RAB2A: variants seen among roughly 807,000 people sequenced by gnomAD.
RAB2A encodes ras-related protein Rab-2A.
Under a neutral mutation model 32.5 loss-of-function variants are expected in RAB2A, and 7 were observed. That is an observed-to-expected ratio of 0.22 (90% CI 0.12 to 0.40). The LOEUF is 0.40. RAB2A is among the 10% of genes least tolerant of loss of function. The pLI, the probability that RAB2A is intolerant of heterozygous loss-of-function variation, is 1.00. For synonymous variants in RAB2A, 79 were observed against 85.2 expected (o/e 0.93, Z 0.40); for missense variants, 108 against 260.7 (o/e 0.41, Z 4.03).
At chr8:60,568,969 A>G (rs1406825254) in intron 2 of RAB2A, among the ~76,000 whole-genome samples, 1 of 152,250 alleles carries the variant, frequency 6.6e-6, no homozygotes, top group Non-Finnish European at 1.5e-5. Context: ...AATATTCCAG[A>G]GAAGAAATCA....
In RAB2A at chr8:60,565,676, ATTTTTTTTTTTTTTTTTTTTTTTT is replaced by A. The variant is rs71252885; in HGVS notation, c.119-6341_119-6318del. 2.8e-3 allele frequency among the ~76,000 whole-genome samples: 271 copies of A among 97,622 alleles called. 16 individuals are homozygous for A. The highest frequency in any genetic ancestry group is 9.6e-3 in the African/African-American group (248 of 25,934). The allele number at this position is 97,622 out of a possible 152,430, so 64.0% of individuals were successfully genotyped here. A position where few individuals can be genotyped will look rare whatever the true frequency, so the allele number is the denominator to read the frequency against. ...AGCTCTGAAAAAGTCTCTGTAGCTG[ATTTTTTTTTTTTTTTTTTTTTTTT>A]TTTTTTTTTTTTTTTTTTTTTTTTT... On this transcript the variant is annotated intron_variant, in intron 2 of 7. Transcript: ENST00000262646.
intron 2 of RAB2A, among the ~76,000 whole-genome samples, chr8:60,561,115 G>A (rs867406664): frequency 2.6e-5 from 4 of 152,158 alleles, no homozygotes; most frequent in African/African-American, 7.2e-5. Flanking sequence ...ATCTTTTTCC[G>A]TGTCATCTTT....
intron 1 of RAB2A, among the ~76,000 whole-genome samples, chr8:60,524,696 A>G (rs1360559385): frequency 6.6e-6 from 1 of 152,180 alleles, no homozygotes; most frequent in Non-Finnish European, 1.5e-5. Context: ...CATCCATGGA[A>G]ATGCTGTTTT....
At chr8:60,582,392 G>A (rs1210102124) in intron 3 of RAB2A, among the ~76,000 whole-genome samples, 1 of 152,180 alleles carries the variant, frequency 6.6e-6, no homozygotes, top group Non-Finnish European at 1.5e-5. Flanking sequence ...CCACATAGGA[G>A]AAGTTATTTT....
At chr8:60,546,520 A>G (rs561014232) in intron 1 of RAB2A, among the ~76,000 whole-genome samples, 13 of 152,316 alleles carry the variant, frequency 8.5e-5, no homozygotes, top group Non-Finnish European at 1.8e-4. Context: ...GTACTTCTCT[A>G]GCATTAAAGA....
intron 2 of RAB2A, among the ~76,000 whole-genome samples, chr8:60,567,917 ATAT>A (rs1173109473): frequency 6.6e-6 from 1 of 152,156 alleles, no homozygotes; most frequent in African/African-American, 2.4e-5. Context: ...CAAATTGAAA[ATAT>A]TATAATATTT....
chr8:60,594,990 A>C (rs11783153), intron 6 of RAB2A, among the ~76,000 whole-genome samples: 29 of 152,370 alleles, frequency 1.9e-4, no homozygotes, highest in Non-Finnish European at 3.4e-4. Context: ...CTATCAGCCC[A>C]GAATTCTTTA....
intron 3 of RAB2A, among the ~76,000 whole-genome samples, chr8:60,573,075 A>G (rs1238855027): frequency 7.8e-5 from 8 of 102,022 alleles, no homozygotes; most frequent in Non-Finnish European, 1.0e-4. Context: ...ATCCAGCCTC[A>G]CACAAATAGT....
Position 60,517,235 on chromosome 8 carries a change from A to C in RAB2A, c.28A>C (p.Ile10Leu). 1 of 1,489,264 alleles carries C rather than the reference A, an allele frequency of 6.7e-7. No homozygotes were observed. Among genetic ancestry groups the C allele is most frequent in the Non-Finnish European group, 8.9e-7 (1 of 1,118,392 alleles). The allele number at this position is 1,489,264 out of a possible 1,614,324, so 92.3% of individuals were successfully genotyped here. A position where few individuals can be genotyped will look rare whatever the true frequency, so the allele number is the denominator to read the frequency against. The change falls in exon 1 of 8, where the codon ATC (isoleucine) becomes CTC (leucine). Residue 10 changes from isoleucine (I) to leucine (L), a missense_variant. By Grantham distance (5) the Ile-to-Leu change is conservative. This residue lies in a region of RAB2A where 5 missense variants were observed against 16.3 expected (regional missense o/e 0.31). Transcript: ENST00000262646. ...GGCGTACGCCTATCTCTTCAAGTAC[A>C]TCATAATCGGCGACACAGGTGAGGG... MAYAYLFKY[I>L]IIGDTGVGKS...
intron 2 of RAB2A, 152 bp from the exon 3 acceptor site, chr8:60,571,894 G>A (rs2130840190): frequency 2.2e-6 from 1 of 451,778 alleles, no homozygotes; most frequent in Non-Finnish European, 4.0e-6. Context: ...CTTAGCTTAT[G>A]TATTTTCTAA....
intron 6 of RAB2A, among the ~76,000 whole-genome samples, chr8:60,610,915 C>T (rs543001087): frequency 3.3e-5 from 5 of 152,308 alleles, no homozygotes; most frequent in African/African-American, 1.2e-4. Context: ...TATTAGAATT[C>T]CACGTGTCTA....
At chr8:60,528,473 T>G (rs945387107) in intron 1 of RAB2A, among the ~76,000 whole-genome samples, 3 of 152,198 alleles carry the variant, frequency 2.0e-5, no homozygotes, top group Non-Finnish European at 2.9e-5. Flanking sequence ...CATAATTTTT[T>G]TTGCCCTCTG....
chr8:60,601,016 A>G (rs1804125863), intron 6 of RAB2A, among the ~76,000 whole-genome samples: 1 of 152,166 alleles, frequency 6.6e-6, no homozygotes, highest in Admixed American at 6.5e-5. Flanking sequence ...AGTTTAATCA[A>G]AAAATAACTG....
At chr8:60,562,966 C>T (rs1022186892) in intron 2 of RAB2A, among the ~76,000 whole-genome samples, 1 of 151,868 alleles carries the variant, frequency 6.6e-6, no homozygotes, top group Admixed American at 6.6e-5. Flanking sequence ...TGGCCCAAGG[C>T]CTACTTAACA....
chr8:60,572,129 G>A lies in RAB2A; in HGVS notation c.186+16G>A. The A allele has an allele frequency of 5.8e-6, 9 of 1,562,624 alleles. No individual in the cohort carries two copies. The highest frequency in any genetic ancestry group is 7.9e-6 in the Non-Finnish European group (9 of 1,135,798). ...ATGGGATACGGTAAGTATAGGAAAAGTGCACTGTATGATCTCAGTAAAGTT... is the reference window on the plus strand; with the variant it reads ...ATGGGATACGGTAAGTATAGGAAAAATGCACTGTATGATCTCAGTAAAGTT... On this transcript the variant is annotated intron_variant, in intron 3 of 7. Coordinates refer to ENST00000262646, the MANE Select transcript of RAB2A (RefSeq NM_002865.3).
intron 3 of RAB2A, among the ~76,000 whole-genome samples, chr8:60,573,313 T>C (rs573800401): frequency 6.6e-6 from 1 of 152,332 alleles, no homozygotes; most frequent in African/African-American, 2.4e-5. Flanking sequence ...CCTATTTTTC[T>C]CCAGTCACTC....
intron 2 of RAB2A, among the ~76,000 whole-genome samples, chr8:60,561,566 A>G (rs917667463): frequency 1.1e-4 from 17 of 151,884 alleles, no homozygotes; most frequent in Non-Finnish European, 1.6e-4. Context: ...CTCCCTGTTG[A>G]CCATTGTTTT....
intron 4 of RAB2A, 43 bp from the exon 5 acceptor site, chr8:60,584,680 G>A (rs907263894): frequency 1.4e-6 from 2 of 1,471,596 alleles, no homozygotes; most frequent in African/African-American, 2.8e-5. Flanking sequence ...TATACTGAGG[G>A]AAATGCTTTG....
chr8:60,523,968 A>G (rs1807341132), intron 1 of RAB2A, among the ~76,000 whole-genome samples: 1 of 151,996 alleles, frequency 6.6e-6, no homozygotes, highest in Non-Finnish European at 1.5e-5. Context: ...CTTTATATAT[A>G]TTATTGGTAG....
Sources: allele counts gnomAD v4.1 joint callset (sites outside exome capture counted in the v4.1 genomes callset), GRCh38; gene constraint gnomAD v4.1.1; regional missense constraint gnomAD v4.1.1; transcripts MANE v1.5; gene names NCBI Gene and HGNC (gene_info 2026-07-23, HGNC 2026-07-21).